Variants in MEF2C observed in about 807,000 individuals in gnomAD.
MEF2C encodes the protein myocyte enhancer factor 2C.
In MEF2C, 6 loss-of-function variants were observed where a neutral mutation model predicts 50.5. The ratio of observed to expected loss-of-function variants is 0.12; its 90% CI spans 0.07 to 0.23. The LOEUF is 0.23. Among genes scored for constraint, MEF2C ranks in the 10% least tolerant of loss-of-function variants. MEF2C has a pLI of 1.00. For missense variants in MEF2C, 276 were observed against 605.0 expected, an observed-to-expected ratio of 0.46 and a Z score of 5.70; for synonymous variants, 183 against 228.0, an observed-to-expected ratio of 0.80 and a Z score of 1.78.
intron 6 of MEF2C, chr5:88,734,328 T>G (rs1018349078): frequency 9.1e-6 from 9 of 985,166 alleles, no homozygotes; most frequent in Middle Eastern, 5.2e-4. Context: ...GAAAATTAGC[T>G]GGGTAATTTC....
chr5:88,719,675 T>C lies in MEF2C; in HGVS notation c.*2929A>G, dbSNP rs1374768457. The C allele has an allele frequency of 6.6e-6, 1 of 152,318 alleles. No homozygotes were observed. The highest frequency in any genetic ancestry group is 2.4e-5 in the African/African-American group (1 of 41,580). The allele number at this position is 152,318 out of a possible 1,614,324, so 9.4% of individuals were successfully genotyped here. On this transcript the variant is annotated 3_prime_UTR_variant, in exon 11 of 11. Coordinates refer to ENST00000504921, the MANE Select transcript of MEF2C (RefSeq NM_002397.5). ...AATACAATAAATGGTAAATTACAGATAAGGTATAAGGGTAAAGATAGACCA... is the reference window on the plus strand; with the variant it reads ...AATACAATAAATGGTAAATTACAGACAAGGTATAAGGGTAAAGATAGACCA...
intron 2 of MEF2C, among the ~76,000 whole-genome samples, chr5:88,809,149 T>C (rs1319985777): frequency 1.3e-5 from 2 of 152,130 alleles, no homozygotes; most frequent in African/African-American, 4.8e-5. Flanking sequence ...TTAAGTTTTA[T>C]AGTGGCCCTG....
At chr5:88,742,977 T>C in intron 6 of MEF2C, 1 of 973,500 alleles carries the variant, frequency 1.0e-6, no homozygotes, top group Non-Finnish European at 1.2e-6. Context: ...AATAAAGCAA[T>C]GCCGTTAGTT....
chr5:88,843,244 A>T, intron 1 of MEF2C: 8 of 710,718 alleles, frequency 1.1e-5, no homozygotes, highest in Non-Finnish European at 1.2e-5. Flanking sequence ...TAAAAAAAAA[A>T]GCATTTCTAT....
chr5:88,799,698 T>C (rs1486697214), intron 3 of MEF2C, among the ~76,000 whole-genome samples: 1 of 152,156 alleles, frequency 6.6e-6, no homozygotes, highest in Non-Finnish European at 1.5e-5. Flanking sequence ...GCAGAAAACA[T>C]TTTGCTGCAG....
rs756853772 is a variant in MEF2C, at chr5:88,804,595, C to T, written c.258+3G>A. The T allele has an allele frequency of 6.2e-7, 1 of 1,613,594 alleles. No homozygotes were observed. The highest frequency in any genetic ancestry group is 1.1e-5 in the South Asian group (1 of 91,052). ...TTGGGGCTCACCACGCATGCTCTCTCACCTCCACGATGTCTGAGTTTGTCC... is the reference window on the plus strand; with the variant it reads ...TTGGGGCTCACCACGCATGCTCTCTTACCTCCACGATGTCTGAGTTTGTCC... On this transcript the variant is annotated splice_donor_region_variant and intron_variant, in intron 3 of 10. Transcript: ENST00000504921.
At chr5:88,743,239 A>G in intron 6 of MEF2C, 2 of 984,018 alleles carry the variant, frequency 2.0e-6, no homozygotes, top group African/African-American at 1.7e-5. Context: ...TGCAATCTTA[A>G]GTTATGTTTT....
At chr5:88,865,493 T>C (rs537539536) in intron 1 of MEF2C, among the ~76,000 whole-genome samples, 1 of 152,336 alleles carries the variant, frequency 6.6e-6, no homozygotes, top group East Asian at 1.9e-4. Context: ...TTTTATAGAA[T>C]TAGCCAACAG....
chr5:88,746,349 G>T (rs2152466302), intron 6 of MEF2C, among the ~76,000 whole-genome samples: 1 of 152,154 alleles, frequency 6.6e-6, no homozygotes, highest in South Asian at 2.1e-4. Flanking sequence ...CTGAAAAAAA[G>T]CATGCTTACC....
chr5:88,792,593 G>A (rs1794277797), intron 3 of MEF2C, among the ~76,000 whole-genome samples: 1 of 152,180 alleles, frequency 6.6e-6, no homozygotes, highest in Admixed American at 6.5e-5. Context: ...GTCTCATAGA[G>A]CTTTCTGTGA....
intron 3 of MEF2C, among the ~76,000 whole-genome samples, chr5:88,793,299 G>C (rs1223074231): frequency 6.6e-6 from 1 of 152,016 alleles, no homozygotes; most frequent in Non-Finnish European, 1.5e-5. Context: ...AGGAATGTAC[G>C]TATGTACGAT....
At chr5:88,740,828 TG>T in intron 6 of MEF2C, 1 of 985,400 alleles carries the variant, frequency 1.0e-6, no homozygotes, top group Non-Finnish European at 1.2e-6. Context: ...CTCATTTAAT[TG>T]TTCACTTCTT....
chr5:88,774,335 T>TG (rs1386489403), intron 3 of MEF2C, among the ~76,000 whole-genome samples: 1 of 108,672 alleles, frequency 9.2e-6, no homozygotes. Context: ...AGTTTCTACC[T>TG]CTTTTTTTTT....
intron 3 of MEF2C, among the ~76,000 whole-genome samples, chr5:88,777,188 AAAC>A (rs1785177505): frequency 6.6e-6 from 1 of 152,170 alleles, no homozygotes; most frequent in African/African-American, 2.4e-5. Context: ...GTAATTATAA[AAAC>A]AACATTTCCT....
At position 88,751,850 on chromosome 5, in the gene MEF2C, GACATACCTGTGTT is replaced by G; in HGVS notation, c.583_589+6del. On this transcript the variant is annotated splice_donor_variant and splice_donor_5th_base_variant and coding_sequence_variant and intron_variant, in exon 5 of 11. Transcript: ENST00000504921. LOFTEE classifies it high-confidence loss of function. ...TTTGTTAGCATTACATCCTTATGAG[GACATACCTGTGTT>G]ACCTGCACTTGGAGGTCGATGTGTT... 3 of 1,613,502 alleles carry G rather than the reference GACATACCTGTGTT, an allele frequency of 1.9e-6. No homozygotes were observed. The highest frequency in any genetic ancestry group is 2.5e-6 in the Non-Finnish European group (3 of 1,179,478).
chr5:88,750,884 T>C (rs760438431), intron 5 of MEF2C, among the ~76,000 whole-genome samples: 21 of 152,226 alleles, frequency 1.4e-4, no homozygotes, highest in Non-Finnish European at 2.6e-4. Flanking sequence ...GAATAAACTA[T>C]TTTCATACAG....
intron 1 of MEF2C, among the ~76,000 whole-genome samples, chr5:88,827,477 G>A (rs1811367182): frequency 6.6e-6 from 1 of 151,978 alleles, no homozygotes; most frequent in South Asian, 2.1e-4. Context: ...AGAACCGTCT[G>A]AGTGTGCTGT....
intron 3 of MEF2C, chr5:88,775,929 C>T (rs1388666363): frequency 2.6e-6 from 1 of 391,150 alleles, no homozygotes; most frequent in Admixed American, 6.4e-5. Context: ...GAGATGGGAG[C>T]ATATTTATCT....
rs111284744 is a variant in MEF2C at position 88,737,773 on chromosome 5, G to A, written c.638-5872C>T. 6.2e-4 allele frequency: 610 copies of A among 985,338 alleles called. 1 individual carries two copies. The African/African-American group carries it at 9.3e-3, about 15-fold the overall frequency. 61.0% of individuals were successfully genotyped at this position (985,338 alleles called of 1,614,324 possible). A position where few individuals can be genotyped will look rare whatever the true frequency, so the allele number is the denominator to read the frequency against. On this transcript the variant is annotated intron_variant, in intron 6 of 10. Transcript: ENST00000504921. ...GATCTTGAAGAGCAGAAAGTTTTCCGAAGTTGAAAAAGAAGGCTTGGCTAA... is the reference window on the plus strand; with the variant it reads ...GATCTTGAAGAGCAGAAAGTTTTCCAAAGTTGAAAAAGAAGGCTTGGCTAA...
Sources: allele counts gnomAD v4.1 joint callset (sites outside exome capture counted in the v4.1 genomes callset), GRCh38; gene constraint gnomAD v4.1.1; transcripts MANE v1.5; gene names NCBI Gene and HGNC (gene_info 2026-07-23, HGNC 2026-07-21).